MAGI2: variants seen among roughly 807,000 people sequenced by gnomAD.
The protein encoded by MAGI2 is membrane associated guanylate kinase, WW and PDZ domain containing 2.
Under a neutral mutation model 133.3 loss-of-function variants are expected in MAGI2, and 35 were observed. The ratio of observed to expected loss-of-function variants is 0.26; its 90% CI spans 0.20 to 0.35. The LOEUF is 0.35. MAGI2 is among the 10% of genes least tolerant of loss of function. The pLI, the probability that MAGI2 is intolerant of heterozygous loss-of-function variation, is 1.00. For missense variants in MAGI2, 1,636 were observed against 1,863.4 expected, an observed-to-expected ratio of 0.88 and a Z score of 2.25; for synonymous variants, 729 against 710.6, an observed-to-expected ratio of 1.03 and a Z score of -0.41.
At chr7:79,335,098 T>C (rs1442771566) in intron 1 of MAGI2, among the ~76,000 whole-genome samples, 1 of 152,140 alleles carries the variant, frequency 6.6e-6, no homozygotes, top group East Asian at 1.9e-4. Context: ...TAAATATAAA[T>C]GTAAATTCTA....
intron 1 of MAGI2, chr7:79,411,796 C>T (rs991030840): frequency 6.6e-6 from 1 of 151,922 alleles, no homozygotes; most frequent in Non-Finnish European, 1.5e-5. Flanking sequence ...TTCCCATAAC[C>T]ATTTTTAGCT....
rs1563203661 is a variant in MAGI2, at chr7:79,416,728, TTTC to T, written c.301+36289_301+36291del. 3.7e-5 allele frequency among the ~76,000 whole-genome samples: 5 copies of T among 135,486 alleles called. 2 individuals are homozygous for T. Among genetic ancestry groups the T allele is most frequent in the Non-Finnish European group, 3.2e-5 (2 of 63,174 alleles). 88.9% of individuals were successfully genotyped at this position (135,486 alleles called of 152,430 possible). ...TTTTTTCTTTTCTTTTCTTTTTCTT[TTTC>T]TTTTTTTTTTTTTGAGGTGGAGTCT... is the stretch of plus-strand genomic sequence containing the variant. On this transcript the variant is annotated intron_variant, in intron 1 of 21. Coordinates refer to ENST00000354212, the MANE Select transcript of MAGI2 (RefSeq NM_012301.4).
intron 1 of MAGI2, among the ~76,000 whole-genome samples, chr7:79,245,758 T>G (rs1321016899): frequency 6.6e-6 from 1 of 152,164 alleles, no homozygotes; most frequent in African/African-American, 2.4e-5. Flanking sequence ...TATCTGCTGA[T>G]TGTACAGCCC....
chr7:78,664,476 GAT>G (rs1351782853), intron 2 of MAGI2, among the ~76,000 whole-genome samples: 1 of 151,670 alleles, frequency 6.6e-6, no homozygotes, highest in African/African-American at 2.4e-5. Context: ...TCTTTTTTTA[GAT>G]CTTAATCAGT....
chr7:78,731,042 T>TA (rs892658295), intron 2 of MAGI2, among the ~76,000 whole-genome samples: 141 of 147,682 alleles, frequency 9.5e-4, no homozygotes, highest in African/African-American at 1.9e-3. Flanking sequence ...AATTCTTTCT[T>TA]AAAAAAAAAA....
At chr7:78,666,587 C>A (rs958650591) in intron 2 of MAGI2, among the ~76,000 whole-genome samples, 1 of 152,192 alleles carries the variant, frequency 6.6e-6, no homozygotes, top group African/African-American at 2.4e-5. Context: ...CAGGGGGACA[C>A]TGGCAAAAGC....
At chr7:78,999,179 A>G (rs1806610472) in intron 2 of MAGI2, among the ~76,000 whole-genome samples, 1 of 152,152 alleles carries the variant, frequency 6.6e-6, no homozygotes, top group Admixed American at 6.6e-5. Flanking sequence ...AGAAATACAA[A>G]CTAAGAGGGA....
chr7:78,267,108 A>G (rs903599018), intron 9 of MAGI2, among the ~76,000 whole-genome samples: 2 of 152,142 alleles, frequency 1.3e-5, no homozygotes, highest in African/African-American at 4.8e-5. Context: ...TAGTGCTTCA[A>G]TTGCAAGCCA....
At chr7:79,200,739 A>G (rs961735207) in intron 1 of MAGI2, among the ~76,000 whole-genome samples, 3 of 151,970 alleles carry the variant, frequency 2.0e-5, no homozygotes, top group African/African-American at 4.8e-5. Context: ...TAAAAAGCCA[A>G]TTGGTAACAG....
chr7:78,507,248 T>C (rs34047739), intron 4 of MAGI2, among the ~76,000 whole-genome samples: 51,878 of 151,974 alleles, frequency 0.34, 8,931 homozygotes, highest in South Asian at 0.48. Context: ...AACATTCCCA[T>C]ATTTATTACT....
At chr7:79,402,442 C>A (rs1845533455) in intron 1 of MAGI2, among the ~76,000 whole-genome samples, 2 of 152,102 alleles carry the variant, frequency 1.3e-5, no homozygotes, top group South Asian at 4.1e-4. Flanking sequence ...TACATGATAT[C>A]TGATTTAATC....
At chr7:78,773,386 C>T (rs1023357144) in intron 2 of MAGI2, among the ~76,000 whole-genome samples, 1 of 151,978 alleles carries the variant, frequency 6.6e-6, no homozygotes, top group Non-Finnish European at 1.5e-5. Flanking sequence ...CCCTAGCCAA[C>T]TTTTCAAAAT....
At chr7:78,478,518 A>G (rs1204713341) in intron 6 of MAGI2, among the ~76,000 whole-genome samples, 1 of 152,012 alleles carries the variant, frequency 6.6e-6, no homozygotes, top group Non-Finnish European at 1.5e-5. Flanking sequence ...CCTACATCAC[A>G]GAGTAGATTC....
At chr7:78,133,109 A>T in intron 17 of MAGI2, 49 bp from the exon 18 acceptor site, 4 of 1,432,548 alleles carry the variant, frequency 2.8e-6, no homozygotes, top group Non-Finnish European at 3.7e-6. Flanking sequence ...AGTGTTGATA[A>T]GGGGAAAGAA....
intron 7 of MAGI2, among the ~76,000 whole-genome samples, chr7:78,362,291 G>C (rs957878559): frequency 3.3e-5 from 5 of 152,186 alleles, no homozygotes; most frequent in African/African-American, 9.7e-5. Flanking sequence ...GACAGAGCGA[G>C]ACTCTGTTTC....
intron 7 of MAGI2, among the ~76,000 whole-genome samples, chr7:78,368,324 G>GA (rs1296327540): frequency 1.3e-5 from 2 of 152,046 alleles, no homozygotes; most frequent in Admixed American, 6.6e-5. Context: ...AATGTGGTTG[G>GA]AAAAAACAAA....
At chr7:78,745,881 T>C (rs564166161) in intron 2 of MAGI2, among the ~76,000 whole-genome samples, 240 of 152,336 alleles carry the variant, frequency 1.6e-3, no homozygotes, top group Non-Finnish European at 2.8e-3. Context: ...GATAGTGGTA[T>C]CAGTTAATGT....
intron 1 of MAGI2, among the ~76,000 whole-genome samples, chr7:79,176,493 A>G (rs79688956): frequency 6.6e-6 from 1 of 151,942 alleles, no homozygotes; most frequent in Non-Finnish European, 1.5e-5. Flanking sequence ...GAATGAGAAC[A>G]CTCTCTGGAA....
In MAGI2 at chr7:78,627,109, G is replaced by A; in HGVS notation, c.538+11C>T. On this transcript the variant is annotated intron_variant, in intron 3 of 21. Transcript: ENST00000354212. ...CCAACAAGAAAGATTTCTCAGGAAC[G>A]TTGTGCTTACCTTCATAAGTCCCAC... The A allele has an allele frequency of 4.5e-6, 7 of 1,564,290 alleles. No individual in the cohort carries two copies. The highest frequency in any genetic ancestry group is 2.4e-5 in the South Asian group (2 of 82,512).
Sources: allele counts gnomAD v4.1 joint callset (sites outside exome capture counted in the v4.1 genomes callset), GRCh38; gene constraint gnomAD v4.1.1; transcripts MANE v1.5; gene names NCBI Gene and HGNC (gene_info 2026-07-23, HGNC 2026-07-21).